Variants in SEMA6D observed in about 807,000 individuals in gnomAD.
SEMA6D encodes the protein semaphorin-6D.
A neutral mutation model predicts 106.6 loss-of-function variants in SEMA6D; 35 were observed. The ratio of observed to expected loss-of-function variants is 0.33; its 90% CI spans 0.25 to 0.44. SEMA6D has a LOEUF of 0.44. SEMA6D is among the 20% of genes least tolerant of loss of function. SEMA6D has a pLI of 1.00. For synonymous variants in SEMA6D, 499 were observed against 487.7 expected (o/e 1.02, Z -0.31); for missense variants, 1,185 against 1,345.9 (o/e 0.88, Z 1.87).
chr15:47,262,689 G>T (rs957603682), intron 1 of SEMA6D, among the ~76,000 whole-genome samples: 5 of 151,980 alleles, frequency 3.3e-5, no homozygotes, highest in Non-Finnish European at 7.4e-5. Flanking sequence ...CAGAACTGGA[G>T]AAAACTATTT....
intron 3 of SEMA6D, among the ~76,000 whole-genome samples, chr15:47,471,974 C>CAT (rs71432244): frequency 6.4e-5 from 9 of 140,708 alleles, no homozygotes; most frequent in African/African-American, 2.4e-4. Context: ...CACACACACA[C>CAT]GAAAAAGAGA....
Position 47,773,649 on chromosome 15 carries a change from T to C in SEMA6D, c.*1864T>C, listed in dbSNP as rs2082726646. 6.6e-6 allele frequency: 1 copy of C among 152,630 alleles called. No homozygotes were observed. The allele number at this position is 152,630 out of a possible 1,614,324, so 9.5% of individuals were successfully genotyped here. Reference sequence around the variant, plus strand: ...TGAAATACTGATACAGTTATTCTTTTTTTTAAAGAACATTGTTTTATAAAG... The same window carrying C: ...TGAAATACTGATACAGTTATTCTTTCTTTTAAAGAACATTGTTTTATAAAG... On this transcript the variant is annotated 3_prime_UTR_variant, in exon 19 of 19. Transcript: ENST00000536845.
intron 1 of SEMA6D, among the ~76,000 whole-genome samples, chr15:47,197,203 A>G (rs1424957341): frequency 2.0e-5 from 3 of 152,126 alleles, no homozygotes; most frequent in South Asian, 2.1e-4. Context: ...TTTACTCTCC[A>G]TTATAGAAGA....
At chr15:47,482,108 A>G (rs759979183) in intron 3 of SEMA6D, among the ~76,000 whole-genome samples, 3 of 152,172 alleles carry the variant, frequency 2.0e-5, no homozygotes, top group Non-Finnish European at 4.4e-5. Context: ...TTAAGTCTCT[A>G]AGGATGGGGA....
intron 1 of SEMA6D, among the ~76,000 whole-genome samples, chr15:47,244,317 T>C (rs1054651687): frequency 2.6e-5 from 4 of 152,194 alleles, no homozygotes; most frequent in Non-Finnish European, 5.9e-5. Flanking sequence ...GGTTAAACTC[T>C]ATGAGTCTCT....
In SEMA6D at chr15:47,765,971, C is replaced by T; in HGVS notation, c.1530C>T (p.Ile510=). The change falls in exon 14 of 19, where the codon ATC becomes ATT. Residue 510 remains isoleucine (I), a synonymous_variant. Coordinates refer to ENST00000536845, the MANE Select transcript of SEMA6D (RefSeq NM_001358351.3). The stretch of plus-strand genomic sequence containing the variant: ...CGTTCTCTAGCTGCATTATCCGCAT[C>T]CCCCTCAGTCGCTGTGAGCGTTATG... ...YVAFSSCIIR[I]PLSRCERYGS... The T allele has an allele frequency of 6.3e-7, 1 of 1,593,664 alleles. No homozygotes were observed. The highest frequency in any genetic ancestry group is 1.3e-5 in the African/African-American group (1 of 74,382).
intron 1 of SEMA6D, among the ~76,000 whole-genome samples, chr15:47,351,455 A>G (rs2038322683): frequency 6.6e-6 from 1 of 152,094 alleles, no homozygotes; most frequent in Non-Finnish European, 1.5e-5. Flanking sequence ...AAATTCCCTC[A>G]TGTATATTAT....
intron 1 of SEMA6D, among the ~76,000 whole-genome samples, chr15:47,378,234 C>T (rs1380783183): frequency 2.6e-5 from 4 of 152,172 alleles, no homozygotes; most frequent in East Asian, 3.9e-4. Context: ...CGGTGGCTCA[C>T]GCTTGTAATC....
intron 4 of SEMA6D, among the ~76,000 whole-genome samples, chr15:47,693,061 C>A (rs534130979): frequency 6.6e-6 from 1 of 152,238 alleles, no homozygotes; most frequent in South Asian, 2.1e-4. Flanking sequence ...TTCTAACTCT[C>A]GGTACTTCAG....
chr15:47,436,129 C>A (rs1401157592), intron 2 of SEMA6D, among the ~76,000 whole-genome samples: 1 of 152,088 alleles, frequency 6.6e-6, no homozygotes, highest in African/African-American at 2.4e-5. Flanking sequence ...GTGGCTCATG[C>A]CTGTAATTCC....
At position 47,458,816 on chromosome 15, in the gene SEMA6D, A is replaced by G. The variant is rs1021522223; in HGVS notation, c.-158-11658A>G. Among the ~76,000 whole-genome samples the G allele has an allele frequency of 4.6e-5, 7 of 152,164 alleles. No homozygotes were observed. In the East Asian group the frequency reaches 1.4e-3, roughly 30 times the overall value. On this transcript the variant is annotated intron_variant, in intron 2 of 19. Coordinates refer to the SEMA6D transcript ENST00000558014. ...CATCTAAAAAACCTAAAGGGACAAA[A>G]ACATCTGAAATCAAAGTAAGCAAAA...
chr15:47,369,503 T>C (rs2039190464), intron 1 of SEMA6D, among the ~76,000 whole-genome samples: 1 of 152,234 alleles, frequency 6.6e-6, no homozygotes, highest in South Asian at 2.1e-4. Flanking sequence ...CAATCTGTTA[T>C]CAAGACTTTA....
At chr15:47,584,154 T>C (rs576529763) in intron 3 of SEMA6D, among the ~76,000 whole-genome samples, 2 of 152,178 alleles carry the variant, frequency 1.3e-5, no homozygotes, top group Admixed American at 6.5e-5. Flanking sequence ...GCTGAATAAA[T>C]ATTTGCCAAA....
rs2082691925 is a variant in SEMA6D, at chr15:47,772,824, T to C, written c.*1039T>C. ...GTTTCCCCCCCCCCAATAGTAAAAT[T>C]TCTCCTCCTTTAACTCCTCCTACCC... On this transcript the variant is annotated 3_prime_UTR_variant, in exon 19 of 19. Coordinates refer to ENST00000536845, the MANE Select transcript of SEMA6D (RefSeq NM_001358351.3). 1 of 114,690 alleles carries C rather than the reference T, an allele frequency of 8.7e-6. No individual in the cohort carries two copies. Among genetic ancestry groups the C allele is most frequent in the South Asian group, 3.4e-4 (1 of 2,920 alleles). The allele number at this position is 114,690 out of a possible 1,614,324, so 7.1% of individuals were successfully genotyped here.
chr15:47,553,367 A>G (rs1298447158), intron 3 of SEMA6D, among the ~76,000 whole-genome samples: 2 of 152,274 alleles, frequency 1.3e-5, no homozygotes, highest in African/African-American at 4.8e-5. Context: ...TAATTTAACT[A>G]TATGGCTGTA....
intron 3 of SEMA6D, among the ~76,000 whole-genome samples, chr15:47,571,407 T>C (rs1384103362): frequency 6.6e-6 from 1 of 152,230 alleles, no homozygotes; most frequent in East Asian, 1.9e-4. Flanking sequence ...TTACAGATGC[T>C]CTGCTGTCTG....
intron 1 of SEMA6D, among the ~76,000 whole-genome samples, chr15:47,363,118 C>G (rs1753618512): frequency 6.6e-6 from 1 of 152,068 alleles, no homozygotes; most frequent in South Asian, 2.1e-4. Context: ...TACTGTAACT[C>G]AGCTTATCCT....
chr15:47,616,565 T>C (rs1247662033), intron 4 of SEMA6D, among the ~76,000 whole-genome samples: 1 of 122,350 alleles, frequency 8.2e-6, no homozygotes, highest in Non-Finnish European at 1.7e-5. Flanking sequence ...CTGTATGTGA[T>C]TGCTCTCCAA....
In SEMA6D at chr15:47,597,542, T is replaced by C. The variant is rs538898003; in HGVS notation, c.-86-3323T>C. Among the ~76,000 whole-genome samples, 4 of 152,064 alleles carry C rather than the reference T, an allele frequency of 2.6e-5. No homozygotes were observed. In the South Asian group the frequency reaches 6.2e-4, roughly 24 times the overall value. On this transcript the variant is annotated intron_variant, in intron 3 of 19. Transcript: ENST00000558014. Reference sequence around the variant, plus strand: ...ATGGAATACTATACAGCCTTAATAATGAAGAAAATCTGTTTTGTGAGGCAA... The same window carrying C: ...ATGGAATACTATACAGCCTTAATAACGAAGAAAATCTGTTTTGTGAGGCAA...
Sources: allele counts gnomAD v4.1 joint callset (sites outside exome capture counted in the v4.1 genomes callset), GRCh38; gene constraint gnomAD v4.1.1; transcripts MANE v1.5; gene names NCBI Gene and HGNC (gene_info 2026-07-23, HGNC 2026-07-21).